CCSER2: variants seen among roughly 807,000 people sequenced by gnomAD.
CCSER2 encodes serine-rich coiled-coil domain-containing protein 2.
In CCSER2, 46 loss-of-function variants were observed where a neutral mutation model predicts 92.3. The observed-to-expected ratio is 0.50, with a 90% CI of 0.39 to 0.64. The LOEUF (loss-of-function observed/expected upper bound fraction) is 0.64. CCSER2 is among the 30% of genes least tolerant of loss of function. CCSER2 has a pLI of 0.00. For synonymous variants in CCSER2, 433 were observed against 431.4 expected (o/e 1.00, Z -0.04); for missense variants, 1,244 against 1,238.9 (o/e 1.00, Z -0.06).
chr10:84,397,747 A>C (rs10509497), intron 3 of CCSER2, among the ~76,000 whole-genome samples: 54,660 of 152,102 alleles, frequency 0.36, 11,643 homozygotes, highest in East Asian at 0.5. Context: ...ACAACATATT[A>C]CATTACTGCA....
intron 3 of CCSER2, among the ~76,000 whole-genome samples, chr10:84,382,614 A>G (rs186150186): frequency 8.5e-5 from 13 of 152,348 alleles, no homozygotes; most frequent in African/African-American, 3.1e-4. Context: ...TAGTTGAACT[A>G]CAATGTCATG....
intron 3 of CCSER2, among the ~76,000 whole-genome samples, chr10:84,376,785 G>T (rs949680958): frequency 1.3e-5 from 2 of 152,052 alleles, no homozygotes; most frequent in Non-Finnish European, 1.5e-5. Context: ...GATTGTGCCT[G>T]TTTACACTCC....
chr10:84,436,367 G>A (rs901817527), intron 5 of CCSER2, among the ~76,000 whole-genome samples: 3 of 132,224 alleles, frequency 2.3e-5, no homozygotes, highest in Non-Finnish European at 4.9e-5. Context: ...CGGGCGCGGT[G>A]TCTCAAGCCT....
chr10:84,417,884 C>T (rs879041455), intron 4 of CCSER2, 23 bp downstream of exon 4: 2 of 1,216,750 alleles, frequency 1.6e-6, no homozygotes, highest in Non-Finnish European at 2.4e-6. Context: ...AATATTGAAC[C>T]TTCAGAGGTA....
At chr10:84,397,465 A>G (rs1453635188) in intron 3 of CCSER2, among the ~76,000 whole-genome samples, 2 of 152,238 alleles carry the variant, frequency 1.3e-5, no homozygotes, top group Non-Finnish European at 2.9e-5. Context: ...TGAACCTAAA[A>G]TAAGGAAATT....
At chr10:84,399,025 A>G (rs1331928880) in intron 3 of CCSER2, among the ~76,000 whole-genome samples, 3 of 152,164 alleles carry the variant, frequency 2.0e-5, no homozygotes, top group South Asian at 4.1e-4. Context: ...TATTTTCCAG[A>G]AAGATTTTTT....
chr10:84,391,629 A>C lies in CCSER2; in HGVS notation c.1614+17814A>C, dbSNP rs1233899168. The C allele has an allele frequency of 5.2e-6, 8 of 1,533,694 alleles. No individual in the cohort carries two copies. The Admixed American group carries it at 1.2e-4, about 22-fold the overall frequency. On this transcript the variant is annotated intron_variant, in intron 3 of 9. Transcript: ENST00000372088. ...CAGCCTTATATTCCTATGGTGTTGC[A>C]CTAGCTTGTAGAAATCATTAACAGA...
At chr10:84,499,671 A>T (rs577158941) in intron 9 of CCSER2, among the ~76,000 whole-genome samples, 86 of 152,258 alleles carry the variant, frequency 5.6e-4, no homozygotes, top group Admixed American at 1.7e-3. Flanking sequence ...ATAATTTTTT[A>T]AAAAAATATT....
At chr10:84,433,655 A>G (rs192365995) in intron 5 of CCSER2, among the ~76,000 whole-genome samples, 88 of 152,376 alleles carry the variant, frequency 5.8e-4, no homozygotes, top group African/African-American at 2.0e-3. Flanking sequence ...TTAAATAATT[A>G]TGCAACAATG....
intron 8 of CCSER2, among the ~76,000 whole-genome samples, chr10:84,475,824 A>C (rs1238316206): frequency 6.6e-6 from 1 of 152,134 alleles, no homozygotes; most frequent in African/African-American, 2.4e-5. Context: ...ATACTTGATT[A>C]TATATTGAAT....
chr10:84,407,692 A>C (rs1292782271), intron 3 of CCSER2, among the ~76,000 whole-genome samples: 1 of 152,210 alleles, frequency 6.6e-6, no homozygotes, highest in African/African-American at 2.4e-5. Context: ...CTCTAGTGCA[A>C]ATCTCAATTT....
At chr10:84,420,490 T>A (rs897134572) in intron 4 of CCSER2, among the ~76,000 whole-genome samples, 5 of 152,174 alleles carry the variant, frequency 3.3e-5, no homozygotes, top group African/African-American at 1.2e-4. Flanking sequence ...CCCGAACAAT[T>A]ATACACACCC....
intron 3 of CCSER2, among the ~76,000 whole-genome samples, chr10:84,394,405 G>C: frequency 6.7e-6 from 1 of 149,362 alleles, no homozygotes; most frequent in African/African-American, 2.4e-5. Flanking sequence ...GTGTGTGTGT[G>C]TGTGTGTGTG....
At chr10:84,493,359 G>A (rs532312037) in intron 9 of CCSER2, among the ~76,000 whole-genome samples, 11 of 152,154 alleles carry the variant, frequency 7.2e-5, no homozygotes, top group African/African-American at 2.4e-4. Flanking sequence ...TGTCAGTCTT[G>A]CTAGTGGTTT....
chr10:84,410,255 T>C (rs1384839099), intron 3 of CCSER2, among the ~76,000 whole-genome samples: 1 of 152,228 alleles, frequency 6.6e-6, no homozygotes, highest in East Asian at 1.9e-4. Flanking sequence ...AATAGAATTA[T>C]TTATATTTCT....
chr10:84,513,810 C>T lies in CCSER2; in HGVS notation c.2687C>T (p.Thr896Ile), dbSNP rs1849492562. 6.5e-7 allele frequency: 1 copy of T among 1,536,258 alleles called. No individual in the cohort carries two copies. Among genetic ancestry groups the T allele is most frequent in the African/African-American group, 1.4e-5 (1 of 73,136 alleles). ...CTTCAGACACCTCCCGAGTCAAGTA[C>T]AGTAGACCAGGCTAAGAGAGTTGGA... is the stretch of plus-strand genomic sequence containing the variant. ...TSLQTPPESS[T>I]VDQAKRVGRN... The change falls in exon 10 of 10, where the codon ACA becomes ATA. Residue 896 changes from threonine (T) to isoleucine (I), a missense_variant. Transcript: ENST00000372088.
intron 9 of CCSER2, among the ~76,000 whole-genome samples, chr10:84,485,543 G>A (rs1847753056): frequency 6.6e-6 from 1 of 152,180 alleles, no homozygotes; most frequent in African/African-American, 2.4e-5. Flanking sequence ...GTAGTTGTGT[G>A]CATCAGTAGT....
intron 5 of CCSER2, among the ~76,000 whole-genome samples, chr10:84,430,052 G>A (rs1843678909): frequency 6.6e-6 from 1 of 151,982 alleles, no homozygotes; most frequent in African/African-American, 2.4e-5. Flanking sequence ...TCAGCTAATG[G>A]TTGGATGGAG....
intron 3 of CCSER2, among the ~76,000 whole-genome samples, chr10:84,414,655 A>T (rs1842808795): frequency 6.6e-6 from 1 of 150,772 alleles, no homozygotes; most frequent in Admixed American, 6.6e-5. Flanking sequence ...GGAATATCTT[A>T]TTGGGGTTCT....
Sources: gnomAD v4.1 joint callset for allele counts (sites outside exome capture counted in the v4.1 genomes callset) on GRCh38, gnomAD v4.1.1 for gene constraint, MANE v1.5 for transcripts, NCBI Gene and HGNC (gene_info 2026-07-23, HGNC 2026-07-21) for gene names.